Variants in TNFSF8 observed in about 807,000 individuals in gnomAD.
TNFSF8 encodes the protein tumor necrosis factor ligand superfamily member 8.
Under a neutral mutation model 22.0 loss-of-function variants are expected in TNFSF8, and 4 were observed. The ratio of observed to expected loss-of-function variants is 0.18; its 90% CI spans 0.09 to 0.42. The LOEUF (loss-of-function observed/expected upper bound fraction) is 0.42. Ranked by LOEUF, TNFSF8 falls within the 10% of genes least tolerant of loss-of-function variation. The pLI is 1.00. For synonymous variants in TNFSF8, 106 were observed against 112.5 expected (o/e 0.94, Z 0.37); for missense variants, 233 against 281.8 (o/e 0.83, Z 1.24).
Position 114,930,239 on chromosome 9 carries a change from A to C in TNFSF8, c.65T>G (p.Val22Gly). Residue 22 changes from valine (V) to glycine (G), a missense_variant, in exon 1 of 4, where the codon GTG (valine) becomes GGG (glycine). Coordinates refer to ENST00000223795, the MANE Select transcript of TNFSF8 (RefSeq NM_001244.4). ...GTGGCTGGCCACGGAGCCCGCCGGC[A>C]CATGCATGGCTGTGTCTCCAGGAGG... is the stretch of plus-strand genomic sequence containing the variant. ...MAPPGDTAMH[V>G]PAGSVASHLG... The C allele has an allele frequency of 6.2e-7, 1 of 1,607,674 alleles. No homozygotes were observed. Among genetic ancestry groups the C allele is most frequent in the Non-Finnish European group, 8.5e-7 (1 of 1,176,926 alleles).
chr9:114,927,679 G>A (rs907082276), intron 1 of TNFSF8, among the ~76,000 whole-genome samples: 1 of 152,104 alleles, frequency 6.6e-6, no homozygotes, highest in African/African-American at 2.4e-5. Flanking sequence ...GTCTATACAC[G>A]TGCCTTGGGA....
At chr9:114,924,200 C>T (rs1015891037) in intron 1 of TNFSF8, among the ~76,000 whole-genome samples, 15 of 152,154 alleles carry the variant, frequency 9.9e-5, no homozygotes, top group Non-Finnish European at 1.6e-4. Flanking sequence ...AATGCAGATT[C>T]GGATTCAGGA....
At chr9:114,912,815 G>T (rs367972352) in intron 2 of TNFSF8, among the ~76,000 whole-genome samples, 1 of 152,162 alleles carries the variant, frequency 6.6e-6, no homozygotes, top group South Asian at 2.1e-4. Context: ...CTTTGGGGTG[G>T]GTTCATTTGG....
In TNFSF8 at chr9:114,902,935, G is replaced by A. The variant is rs1827734924; in HGVS notation, c.*996C>T. ...AGCCGGGCTTAGTCACCCTTGATATGGGTTTCTGGTTCTATACCACACCTC... is the reference window on the plus strand; with the variant it reads ...AGCCGGGCTTAGTCACCCTTGATATAGGTTTCTGGTTCTATACCACACCTC... On this transcript the variant is annotated 3_prime_UTR_variant, in exon 4 of 4. Transcript: ENST00000223795. 5.1e-6 allele frequency: 1 copy of A among 197,758 alleles called. No individual in the cohort carries two copies. The highest frequency in any genetic ancestry group is 2.4e-5 in the African/African-American group (1 of 42,278). 12.3% of individuals were successfully genotyped at this position (197,758 alleles called of 1,614,324 possible). A position where few individuals can be genotyped will look rare whatever the true frequency, so the allele number is the denominator to read the frequency against.
intron 2 of TNFSF8, among the ~76,000 whole-genome samples, chr9:114,908,186 C>G (rs1166314917): frequency 1.3e-5 from 2 of 152,206 alleles, no homozygotes; most frequent in Non-Finnish European, 2.9e-5. Flanking sequence ...GGCAGAGACT[C>G]CTGTTTATAA....
Position 114,902,423 on chromosome 9 carries a change from A to C in TNFSF8, c.*1508T>G. On this transcript the variant is annotated 3_prime_UTR_variant, in exon 4 of 4. Transcript: ENST00000223795. ...TTGCTAAAGGCACAATGCTTTCCTG[A>C]CCAGAAATGAAAAATGCCTGCTGCT... The C allele has an allele frequency of 6.1e-6, 6 of 985,444 alleles. No individual in the cohort carries two copies. Among genetic ancestry groups the C allele is most frequent in the Non-Finnish European group, 7.2e-6 (6 of 829,938 alleles). The allele number at this position is 985,444 out of a possible 1,614,324, so 61.0% of individuals were successfully genotyped here.
chr9:114,916,122 C>T (rs1424309592), intron 2 of TNFSF8, among the ~76,000 whole-genome samples: 1 of 152,088 alleles, frequency 6.6e-6, no homozygotes, highest in Non-Finnish European at 1.5e-5. Flanking sequence ...AACAAAATAA[C>T]TCTGGCAAAA....
At chr9:114,929,427 CTTGCTGGCT>C (rs1406451785) in intron 1 of TNFSF8, among the ~76,000 whole-genome samples, 1 of 147,606 alleles carries the variant, frequency 6.8e-6, no homozygotes, top group Non-Finnish European at 1.5e-5. Flanking sequence ...TTCGATTTGT[CTTGCTGGCT>C]TTAACACCAA....
intron 1 of TNFSF8, among the ~76,000 whole-genome samples, chr9:114,918,907 G>A (rs952760029): frequency 6.6e-6 from 1 of 152,116 alleles, no homozygotes; most frequent in Non-Finnish European, 1.5e-5. Flanking sequence ...CTAGAGCCAG[G>A]ACTCAACTCC....
intron 2 of TNFSF8, among the ~76,000 whole-genome samples, chr9:114,908,485 C>G (rs1044020302): frequency 4.6e-5 from 7 of 152,154 alleles, no homozygotes; most frequent in African/African-American, 1.7e-4. Flanking sequence ...GCCGAAAGCC[C>G]TCTTACACTG....
intron 2 of TNFSF8, among the ~76,000 whole-genome samples, chr9:114,913,942 A>G (rs567946592): frequency 6.6e-6 from 1 of 152,376 alleles, no homozygotes; most frequent in East Asian, 1.9e-4. Context: ...CACTGACTAC[A>G]GAATTCTTCT....
chr9:114,911,674 A>T (rs559433777), intron 2 of TNFSF8, among the ~76,000 whole-genome samples: 1 of 152,310 alleles, frequency 6.6e-6, no homozygotes, highest in South Asian at 2.1e-4. Context: ...GTGATCAGTA[A>T]ATATAAATTA....
exon 5 of TNFSF8, chr9:114,893,913 T>A: frequency 1.7e-6 from 1 of 592,188 alleles, no homozygotes; most frequent in Non-Finnish European, 3.0e-6. Flanking sequence ...CGATTCCAAA[T>A]CATGGACAGG....
intron 1 of TNFSF8, among the ~76,000 whole-genome samples, chr9:114,920,742 C>A (rs1371591065): frequency 6.6e-6 from 1 of 152,162 alleles, no homozygotes. Context: ...AATCTCGGCT[C>A]ACTGTAGCCT....
intron 1 of TNFSF8, among the ~76,000 whole-genome samples, chr9:114,922,557 C>T (rs964452488): frequency 3.9e-5 from 6 of 152,170 alleles, no homozygotes; most frequent in Non-Finnish European, 7.3e-5. Context: ...GAAGGTCCCA[C>T]AGGTGGCGAA....
In TNFSF8 at chr9:114,918,141, G is replaced by A; in HGVS notation, c.196-3C>T. On this transcript the variant is annotated splice_region_variant and splice_polypyrimidine_tract_variant and intron_variant, in intron 1 of 3. Coordinates refer to ENST00000223795, the MANE Select transcript of TNFSF8 (RefSeq NM_001244.4). ...TCAGGTGAGTTGGGAATGGAGTCCT[G>A]GAAGAAAAGAAAGAAAAAAGCAGCA... The A allele has an allele frequency of 6.2e-7, 1 of 1,602,928 alleles. No individual in the cohort carries two copies. Among genetic ancestry groups the A allele is most frequent in the Non-Finnish European group, 8.5e-7 (1 of 1,175,072 alleles).
intron 2 of TNFSF8, among the ~76,000 whole-genome samples, chr9:114,907,009 A>T (rs1827793337): frequency 6.6e-6 from 1 of 152,130 alleles, no homozygotes. Flanking sequence ...GAGCAGCCAC[A>T]CCCTGGGATA....
chr9:114,924,578 C>G (rs74680773), intron 1 of TNFSF8, among the ~76,000 whole-genome samples: 3,693 of 152,218 alleles, frequency 0.024, 234 homozygotes, highest in Admixed American at 0.11. Flanking sequence ...AAGATATTGA[C>G]ACAGCAATCT....
chr9:114,902,354 C>A lies in TNFSF8; in HGVS notation c.*1577G>T. The A allele has an allele frequency of 1.0e-6, 1 of 985,420 alleles. No individual in the cohort carries two copies. Among genetic ancestry groups the A allele is most frequent in the East Asian group, 1.1e-4 (1 of 8,814 alleles). 61.0% of individuals were successfully genotyped at this position (985,420 alleles called of 1,614,324 possible). ...TATATTATGCAGGGGATGGAGCAGC[C>A]ATTCCCTGGCTAGATGACCACATCA... On this transcript the variant is annotated 3_prime_UTR_variant, in exon 4 of 4. Transcript: ENST00000223795.
Sources: allele counts gnomAD v4.1 joint callset (sites outside exome capture counted in the v4.1 genomes callset), GRCh38; gene constraint gnomAD v4.1.1; transcripts MANE v1.5; gene names NCBI Gene and HGNC (gene_info 2026-07-23, HGNC 2026-07-21).